Variants in FAM81A observed in about 807,000 individuals in gnomAD.
The protein encoded by FAM81A is protein FAM81A.
A neutral mutation model predicts 46.7 loss-of-function variants in FAM81A; 19 were observed. The observed-to-expected ratio is 0.41, with a 90% confidence interval of 0.28 to 0.60. FAM81A has a LOEUF of 0.60. Ranked by LOEUF, FAM81A falls within the 20% of genes least tolerant of loss-of-function variation. The probability of loss-of-function intolerance (pLI) is 0.34; values close to 1 mark genes in which losing one functional copy is unlikely to be tolerated. For missense variants in FAM81A, 377 were observed against 453.5 expected, an observed-to-expected ratio of 0.83 and a Z score of 1.53; for synonymous variants, 183 against 152.9, an observed-to-expected ratio of 1.20 and a Z score of -1.45.
chr15:59,516,047 A>G (rs374484194), intron 7 of FAM81A, among the ~76,000 whole-genome samples: 44 of 152,126 alleles, frequency 2.9e-4, no homozygotes, highest in African/African-American at 1.0e-3. Flanking sequence ...GGAAGAAGTA[A>G]GGAGATACAT....
intron 2 of FAM81A, chr15:59,407,291 C>CTTTTTTTTTTTTTTTTTTTTT (rs3053043): frequency 8.3e-6 from 1 of 120,220 alleles, no homozygotes; most frequent in Non-Finnish European, 1.7e-5. Flanking sequence ...CTTTTCTTTC[C>CTTTTTTTTTTTTTTTTTTTTT]TTTTTTTTTT....
At chr15:59,502,671 G>A (rs549381860) in intron 4 of FAM81A, among the ~76,000 whole-genome samples, 2 of 152,036 alleles carry the variant, frequency 1.3e-5, no homozygotes, top group East Asian at 1.9e-4. Context: ...CTACCACCAC[G>A]CCCGGCTAAT....
At chr15:59,494,172 T>C (rs2082010483) in intron 4 of FAM81A, among the ~76,000 whole-genome samples, 2 of 152,216 alleles carry the variant, frequency 1.3e-5, no homozygotes, top group Non-Finnish European at 2.9e-5. Context: ...AAACTCACTA[T>C]AATAGGACTG....
chr15:59,431,736 A>T (rs2081221413), intron 2 of FAM81A, among the ~76,000 whole-genome samples: 1 of 152,208 alleles, frequency 6.6e-6, no homozygotes, highest in Non-Finnish European at 1.5e-5. Context: ...GCACATACAG[A>T]TAGTTTCCAG....
intron 2 of FAM81A, among the ~76,000 whole-genome samples, chr15:59,402,568 T>A (rs955900380): frequency 6.6e-6 from 1 of 152,156 alleles, no homozygotes; most frequent in Non-Finnish European, 1.5e-5. Flanking sequence ...CGAGACAGCG[T>A]CTCACTCTGT....
At position 59,458,616 on chromosome 15, in the gene FAM81A, A is replaced by C; in HGVS notation, c.-11A>C. 6.2e-7 allele frequency: 1 copy of C among 1,613,974 alleles called. No homozygotes were observed. The highest frequency in any genetic ancestry group is 8.5e-7 in the Non-Finnish European group (1 of 1,179,850). On this transcript the variant is annotated 5_prime_UTR_variant, in exon 2 of 9. Coordinates refer to ENST00000288228, the MANE Select transcript of FAM81A (RefSeq NM_152450.3). ...ATTTCCTTCTCGTGTCACCAAGGAA[A>C]GGTATAATATATGGAAAATATGCAT...
chr15:59,420,572 G>A (rs1196087220), intron 2 of FAM81A, among the ~76,000 whole-genome samples: 5 of 152,056 alleles, frequency 3.3e-5, no homozygotes, highest in Admixed American at 6.6e-5. Context: ...TTTTCCTTTC[G>A]TTTCTTCATT....
At chr15:59,459,586 T>A (rs1170105357) in intron 2 of FAM81A, among the ~76,000 whole-genome samples, 1 of 152,104 alleles carries the variant, frequency 6.6e-6, no homozygotes, top group African/African-American at 2.4e-5. Flanking sequence ...AACCACTGTT[T>A]CAGAGAGGGA....
chr15:59,425,039 A>T (rs2081189398), intron 2 of FAM81A, among the ~76,000 whole-genome samples: 1 of 151,854 alleles, frequency 6.6e-6, no homozygotes, highest in Non-Finnish European at 1.5e-5. Context: ...TCCCTCTTTT[A>T]TTTAATTTTA....
rs139557310 is a variant in FAM81A, at chr15:59,516,327, A to T, written c.787-318A>T. 8.4e-4 allele frequency among the ~76,000 whole-genome samples: 127 copies of T among 152,004 alleles called. 1 individual carries two copies. The East Asian group carries it at 0.024, about 28-fold the overall frequency. On this transcript the variant is annotated intron_variant, in intron 7 of 8. Transcript: ENST00000288228. ...GTATTTTTAATAAAGACAGGGTTTCACCATGTTGGCCAGGCTTGTCTCGAA... is the reference window on the plus strand; with the variant it reads ...GTATTTTTAATAAAGACAGGGTTTCTCCATGTTGGCCAGGCTTGTCTCGAA...
intron 1 of FAM81A, among the ~76,000 whole-genome samples, chr15:59,451,104 T>A (rs1270615430): frequency 6.6e-6 from 1 of 152,192 alleles, no homozygotes; most frequent in Non-Finnish European, 1.5e-5. Context: ...TGGGTTCCAG[T>A]GTCATGGGTT....
chr15:59,463,950 T>C (rs540691049), intron 3 of FAM81A, among the ~76,000 whole-genome samples: 29 of 152,296 alleles, frequency 1.9e-4, no homozygotes, highest in African/African-American at 6.5e-4. Context: ...GTTTAACAAG[T>C]TGCTATATCT....
intron 3 of FAM81A, among the ~76,000 whole-genome samples, chr15:59,461,298 T>C (rs1282907335): frequency 1.3e-5 from 2 of 152,114 alleles, no homozygotes; most frequent in Non-Finnish European, 2.9e-5. Flanking sequence ...TTCTTTCCTT[T>C]TCTTTCTTTT....
At chr15:59,471,161 T>A (rs1212204204) in intron 3 of FAM81A, among the ~76,000 whole-genome samples, 2 of 152,222 alleles carry the variant, frequency 1.3e-5, no homozygotes, top group Admixed American at 6.5e-5. Context: ...TTTTTGAGAC[T>A]TGTTTGGTGG....
chr15:59,447,997 A>T (rs1317090109), intron 1 of FAM81A, among the ~76,000 whole-genome samples: 1 of 152,136 alleles, frequency 6.6e-6, no homozygotes, highest in Non-Finnish European at 1.5e-5. Context: ...CAGTCTTCTC[A>T]CTGTGGGGAG....
At chr15:59,437,768 G>C (rs1272506390), upstream of FAM81A, among the ~76,000 whole-genome samples, 3 of 152,162 alleles carry the variant, frequency 2.0e-5, no homozygotes, top group Non-Finnish European at 4.4e-5. Context: ...TGGGGCTCTA[G>C]AGAGAATTGC....
chr15:59,444,402 C>T (rs2081332999), intron 1 of FAM81A: 1 of 152,148 alleles, frequency 6.6e-6, no homozygotes, highest in African/African-American at 2.4e-5. Flanking sequence ...AATGATTCTT[C>T]CCTGATGACA....
At chr15:59,491,144 C>A (rs530737657) in intron 3 of FAM81A, among the ~76,000 whole-genome samples, 14 of 152,172 alleles carry the variant, frequency 9.2e-5, no homozygotes, top group African/African-American at 3.4e-4. Context: ...CCACAATAGC[C>A]AAGATTTGGA....
intron 1 of FAM81A, among the ~76,000 whole-genome samples, chr15:59,443,291 A>G (rs60580026): frequency 0.022 from 3,369 of 152,272 alleles, 119 homozygotes; most frequent in African/African-American, 0.077. Flanking sequence ...CACGTTGGCC[A>G]GGCTGGTCTT....
Sources: allele counts gnomAD v4.1 joint callset (sites outside exome capture counted in the v4.1 genomes callset), GRCh38; gene constraint gnomAD v4.1.1; transcripts MANE v1.5; gene names NCBI Gene and HGNC (gene_info 2026-07-23, HGNC 2026-07-21).